Variants in CYTH1 observed in about 807,000 individuals in gnomAD.
CYTH1 encodes the protein cytohesin-1.
In CYTH1, 18 loss-of-function variants were observed where a neutral mutation model predicts 61.8. The observed-to-expected ratio is 0.29, with a 90% CI of 0.20 to 0.43. The LOEUF (loss-of-function observed/expected upper bound fraction) is 0.43, where lower values mean the gene tolerates loss of function less well. Among genes scored for constraint, CYTH1 ranks in the 20% least tolerant of loss-of-function variants. The pLI, the probability that CYTH1 is intolerant of heterozygous loss-of-function variation, is 1.00. For synonymous variants in CYTH1, 174 were observed against 184.3 expected (o/e 0.94, Z 0.45); for missense variants, 336 against 510.5 (o/e 0.66, Z 3.29).
intron 1 of CYTH1, among the ~76,000 whole-genome samples, chr17:78,746,182 G>C (rs796805043): frequency 1.3e-5 from 2 of 152,182 alleles, no homozygotes; most frequent in African/African-American, 4.8e-5. Flanking sequence ...ATGGGGAAAA[G>C]AGAAGTATGT....
At chr17:78,746,640 A>G (rs2093360365) in intron 1 of CYTH1, among the ~76,000 whole-genome samples, 1 of 152,194 alleles carries the variant, frequency 6.6e-6, no homozygotes, top group Non-Finnish European at 1.5e-5. Flanking sequence ...TGATTTACTC[A>G]TCAGAGTAAT....
rs796255438 is a variant in CYTH1, at chr17:78,698,169, A to T, written c.811+100T>A. The T allele has an allele frequency of 1.7e-5, 17 of 982,478 alleles. 1 individual carries two copies. The African/African-American group carries it at 2.8e-4, about 16-fold the overall frequency. 60.9% of individuals were successfully genotyped at this position (982,478 alleles called of 1,614,324 possible). On this transcript the variant is annotated intron_variant, in intron 9 of 13. Coordinates refer to ENST00000446868, the MANE Select transcript of CYTH1 (RefSeq NM_004762.6). ...CACGCGCACACATGCACACGCACAA[A>T]CACGCACACGCGCACACACGCACGC...
chr17:78,713,314 G>T (rs1346031419), intron 1 of CYTH1, among the ~76,000 whole-genome samples: 1 of 151,948 alleles, frequency 6.6e-6, no homozygotes, highest in Admixed American at 6.6e-5. Flanking sequence ...AATTTCTTCA[G>T]GTTCTAGAAG....
At chr17:78,718,218 T>TACACACACACACACAC (rs55803104) in intron 1 of CYTH1, among the ~76,000 whole-genome samples, 169 of 128,386 alleles carry the variant, frequency 1.3e-3, no homozygotes, top group Middle Eastern at 7.4e-3. Context: ...AAACACTGAA[T>TACACACACACACACAC]ACACACACAC....
In CYTH1 at chr17:78,700,209, A is replaced by G; in HGVS notation, c.550+122T>C. 1.2e-6 allele frequency: 1 copy of G among 804,782 alleles called. No individual in the cohort carries two copies. The highest frequency in any genetic ancestry group is 1.9e-6 in the Non-Finnish European group (1 of 523,982). 49.9% of individuals were successfully genotyped at this position (804,782 alleles called of 1,614,324 possible). On this transcript the variant is annotated intron_variant, in intron 7 of 13. Coordinates refer to ENST00000446868, the MANE Select transcript of CYTH1 (RefSeq NM_004762.6). The surrounding 1 kb of genome is among the most constrained non-coding windows in gnomAD (Gnocchi z 5.1). ...TTTCCAACATTTTACTATTATAACT[A>G]TCATTGAGTAAACGTTCCTAGGCAT...
chr17:78,781,033 A>T (rs1428748675), intron 1 of CYTH1, among the ~76,000 whole-genome samples: 1 of 151,276 alleles, frequency 6.6e-6, no homozygotes, highest in Non-Finnish European at 1.5e-5. Context: ...AATAAAATAA[A>T]ATAATAAAAT....
chr17:78,727,899 A>G, intron 1 of CYTH1: 3 of 340,162 alleles, frequency 8.8e-6, no homozygotes, highest in South Asian at 6.4e-5. Context: ...AGCAGAAGGC[A>G]GGCCAAGCTC....
chr17:78,691,998 A>C (rs1373790721), intron 11 of CYTH1: 1 of 161,916 alleles, frequency 6.2e-6, no homozygotes, highest in Non-Finnish European at 1.3e-5. Context: ...TTCTGAAATC[A>C]CATTTCTGCT....
At position 78,730,369 on chromosome 17, in the gene CYTH1, CAAAAA is replaced by C. The variant is rs56790957; in HGVS notation, c.23-20642_23-20638del. On this transcript the variant is annotated intron_variant, in intron 1 of 13. Coordinates refer to ENST00000446868, the MANE Select transcript of CYTH1 (RefSeq NM_004762.6). ...TGAAACCCCATCTCTACTAAAAATA[CAAAAA>C]AAAAAAAAAAAAAAATTAGCCGGGC... 2.1e-4 allele frequency among the ~76,000 whole-genome samples: 20 copies of C among 95,356 alleles called. No homozygotes were observed. In the East Asian group the frequency reaches 3.3e-3, roughly 16 times the overall value. The allele number at this position is 95,356 out of a possible 152,430, so 62.6% of individuals were successfully genotyped here.
chr17:78,698,192 C>T (rs189587104), intron 9 of CYTH1, 77 bp downstream of exon 9: 63 of 1,201,136 alleles, frequency 5.2e-5, no homozygotes, highest in South Asian at 4.0e-4. Context: ...CACACACGCA[C>T]GCACGCACAC....
At chr17:78,695,928 C>T in intron 10 of CYTH1, 79 bp downstream of exon 10, 1 of 1,361,064 alleles carries the variant, frequency 7.3e-7, no homozygotes, top group East Asian at 4.6e-5. Flanking sequence ...ACAAAATAAC[C>T]AAAAATAACG....
intron 1 of CYTH1, among the ~76,000 whole-genome samples, chr17:78,779,534 C>G (rs906923529): frequency 2.0e-5 from 3 of 152,084 alleles, no homozygotes; most frequent in African/African-American, 7.2e-5. Context: ...AATAGGTTAC[C>G]TTACATGGCA....
intron 11 of CYTH1, among the ~76,000 whole-genome samples, chr17:78,681,325 G>A (rs761799706): frequency 1.3e-5 from 2 of 152,104 alleles, no homozygotes; most frequent in Non-Finnish European, 1.5e-5. Context: ...CCTCAAGCAG[G>A]GAGTGTGCGG....
chr17:78,765,294 T>A (rs975312410), intron 1 of CYTH1, among the ~76,000 whole-genome samples: 4 of 152,178 alleles, frequency 2.6e-5, no homozygotes, highest in African/African-American at 9.7e-5. Flanking sequence ...GGGCTCCTTC[T>A]AAAGGTAGAC....
chr17:78,752,624 G>A (rs2093384830), intron 1 of CYTH1, among the ~76,000 whole-genome samples: 1 of 152,002 alleles, frequency 6.6e-6, no homozygotes, highest in African/African-American at 2.4e-5. Flanking sequence ...GTAGAGACAG[G>A]GTTTCATTAT....
intron 3 of CYTH1, among the ~76,000 whole-genome samples, chr17:78,707,821 C>T (rs1422488510): frequency 6.6e-6 from 1 of 152,068 alleles, no homozygotes; most frequent in Non-Finnish European, 1.5e-5. Context: ...GCTGGGACTA[C>T]AGGTGTGCAC....
chr17:78,703,074 C>T (rs1200912887), intron 3 of CYTH1, among the ~76,000 whole-genome samples: 1 of 151,826 alleles, frequency 6.6e-6, no homozygotes, highest in Non-Finnish European at 1.5e-5. Flanking sequence ...GCATAAGCCA[C>T]TGTACCCAGC....
intron 1 of CYTH1, among the ~76,000 whole-genome samples, chr17:78,726,630 A>G (rs999638645): frequency 2.0e-5 from 3 of 152,134 alleles, no homozygotes; most frequent in Non-Finnish European, 4.4e-5. Context: ...AGGGCAGTCC[A>G]GGCAGAGGTG....
At chr17:78,754,435 C>G (rs2093392970) in intron 1 of CYTH1, among the ~76,000 whole-genome samples, 1 of 152,172 alleles carries the variant, frequency 6.6e-6, no homozygotes, top group Admixed American at 6.5e-5. Flanking sequence ...CCTCAACCTC[C>G]CTGGTTTAAG....
Sources: gnomAD v4.1 joint callset for allele counts (sites outside exome capture counted in the v4.1 genomes callset) on GRCh38, gnomAD v4.1.1 for gene constraint, Gnocchi (gnomAD v3.1) non-coding constraint, MANE v1.5 for transcripts, NCBI Gene and HGNC (gene_info 2026-07-23, HGNC 2026-07-21) for gene names.